The following SLC24A2 variants were observed in gnomAD, a reference collection of about 807,000 sequenced individuals.
The protein encoded by SLC24A2 is solute carrier family 24 member 2.
SLC24A2 carries 36 observed loss-of-function variants against 62.0 expected under a neutral mutation model. The ratio of observed to expected loss-of-function variants is 0.58; its 90% CI spans 0.44 to 0.77. The LOEUF (loss-of-function observed/expected upper bound fraction) is 0.77, where lower values mean the gene tolerates loss of function less well. Ranked by LOEUF, SLC24A2 falls within the 30% of genes least tolerant of loss-of-function variation. The probability of loss-of-function intolerance (pLI) is 0.00; values close to 1 mark genes in which losing one functional copy is unlikely to be tolerated. For synonymous variants in SLC24A2, 358 were observed against 294.0 expected (o/e 1.22, Z -2.23); for missense variants, 846 against 817.9 (o/e 1.03, Z -0.42).
intron 5 of SLC24A2, among the ~76,000 whole-genome samples, chr9:19,591,716 G>A (rs1331927086): frequency 1.3e-5 from 2 of 152,220 alleles, no homozygotes; most frequent in Admixed American, 6.5e-5. Context: ...CAGAAGGATG[G>A]AAGGAGCCTG....
At chr9:19,894,177 T>C in the SLC24A2 span, among the ~76,000 whole-genome samples, 1 of 152,214 alleles carries the variant, frequency 6.6e-6, no homozygotes, top group South Asian at 2.1e-4. Context: ...GGATGTGGAC[T>C]CAGGGCTATG....
the SLC24A2 span, among the ~76,000 whole-genome samples, chr9:20,038,628 C>CAAAAAAAAAA: frequency 1.9e-4 from 6 of 32,392 alleles, 2 homozygotes; most frequent in African/African-American, 3.6e-4. Flanking sequence ...GTAAAAGAAA[C>CAAAAAAAAAA]AAACAAAAAA....
At chr9:19,712,836 G>C (rs553529734) in intron 2 of SLC24A2, among the ~76,000 whole-genome samples, 1 of 152,244 alleles carries the variant, frequency 6.6e-6, no homozygotes, top group Non-Finnish European at 1.5e-5. Flanking sequence ...GCAGCATAGG[G>C]TGTTTAGCAG....
chr9:19,845,687 T>C, the SLC24A2 span, among the ~76,000 whole-genome samples: 1 of 152,160 alleles, frequency 6.6e-6, no homozygotes, highest in Non-Finnish European at 1.5e-5. Context: ...GTCAGAACAT[T>C]ATTCTGGGAT....
the SLC24A2 span, among the ~76,000 whole-genome samples, chr9:20,019,151 A>AGAG: frequency 4.3e-4 from 43 of 99,214 alleles, 1 homozygote; most frequent in Non-Finnish European, 3.4e-4. Context: ...GAAAGAAAGA[A>AGAG]AGAAAGAGAG....
the SLC24A2 span, among the ~76,000 whole-genome samples, chr9:20,095,144 G>A: frequency 6.6e-6 from 1 of 152,046 alleles, no homozygotes; most frequent in African/African-American, 2.4e-5. Flanking sequence ...TCCAATTTTT[G>A]TTTTGTTTTG....
chr9:19,926,073 T>C, the SLC24A2 span: 1 of 152,158 alleles, frequency 6.6e-6, no homozygotes. Context: ...GTGTTGAGTA[T>C]GTCTACTCTT....
chr9:19,575,928 C>T (rs760017346), intron 6 of SLC24A2, among the ~76,000 whole-genome samples: 1 of 151,866 alleles, frequency 6.6e-6, no homozygotes, highest in African/African-American at 2.4e-5. Context: ...CCAAAATATG[C>T]TTATTCTGAA....
the SLC24A2 span, among the ~76,000 whole-genome samples, chr9:19,886,334 T>C: frequency 1.3e-5 from 2 of 152,178 alleles, no homozygotes; most frequent in Non-Finnish European, 2.9e-5. Context: ...TTGATTTGCA[T>C]TTCTCTAATG....
chr9:19,616,236 T>A (rs1817764619), intron 4 of SLC24A2, among the ~76,000 whole-genome samples: 1 of 152,238 alleles, frequency 6.6e-6, no homozygotes, highest in Non-Finnish European at 1.5e-5. Flanking sequence ...TGAAGTAGAA[T>A]AATTCCAAAC....
intron 5 of SLC24A2, among the ~76,000 whole-genome samples, chr9:19,584,176 C>CTG (rs1836290285): frequency 6.6e-6 from 1 of 151,196 alleles, no homozygotes; most frequent in African/African-American, 2.4e-5. Flanking sequence ...CAGGCCTACA[C>CTG]TGTCTTGCAG....
chr9:20,231,636 T>G, the SLC24A2 span, among the ~76,000 whole-genome samples: 5 of 152,220 alleles, frequency 3.3e-5, no homozygotes, highest in African/African-American at 1.2e-4. Context: ...GATTTTGGAC[T>G]GAGACGATGG....
intron 2 of SLC24A2, among the ~76,000 whole-genome samples, chr9:19,636,319 C>CCT (rs1818332094): frequency 4.6e-5 from 2 of 43,474 alleles, no homozygotes; most frequent in African/African-American, 2.0e-4. Flanking sequence ...CTTTTCTTTT[C>CCT]TTTCTTTCTT....
At chr9:19,944,213 C>T in the SLC24A2 span, among the ~76,000 whole-genome samples, 1 of 152,032 alleles carries the variant, frequency 6.6e-6, no homozygotes, top group Non-Finnish European at 1.5e-5. Flanking sequence ...AGTGAAAGAC[C>T]TTCTTTAAGT....
Position 19,509,566 on chromosome 9 carries a change from A to G in SLC24A2, c.*6587T>C, listed in dbSNP as rs1161304363. 1 of 152,132 alleles carries G rather than the reference A, an allele frequency of 6.6e-6. No individual in the cohort carries two copies. The highest frequency in any genetic ancestry group is 6.5e-5 in the Admixed American group (1 of 15,272). The allele number at this position is 152,132 out of a possible 1,614,324, so 9.4% of individuals were successfully genotyped here. On this transcript the variant is annotated 3_prime_UTR_variant, in exon 11 of 11. Coordinates refer to ENST00000341998, the MANE Select transcript of SLC24A2 (RefSeq NM_020344.4). ...AAGTGCAATATTAAAAAATTAAAAAACCCAAAAGGCATCCATTGTCCTTCA... is the reference window on the plus strand; with the variant it reads ...AAGTGCAATATTAAAAAATTAAAAAGCCCAAAAGGCATCCATTGTCCTTCA...
chr9:19,583,551 T>G (rs992761057), intron 5 of SLC24A2, among the ~76,000 whole-genome samples: 4 of 152,066 alleles, frequency 2.6e-5, no homozygotes, highest in African/African-American at 9.7e-5. Flanking sequence ...AACAAATCCT[T>G]GTGTTCATGG....
the SLC24A2 span, among the ~76,000 whole-genome samples, chr9:19,978,195 T>G: frequency 6.6e-6 from 1 of 152,194 alleles, no homozygotes; most frequent in African/African-American, 2.4e-5. Context: ...CAAAGCTGGT[T>G]TACAACCATA....
At chr9:19,531,116 C>T (rs1014594290) in intron 8 of SLC24A2, among the ~76,000 whole-genome samples, 1 of 152,222 alleles carries the variant, frequency 6.6e-6, no homozygotes, top group Non-Finnish European at 1.5e-5. Flanking sequence ...CTCGCCCAAC[C>T]TCCCATGTTG....
At chr9:20,000,073 T>C in the SLC24A2 span, among the ~76,000 whole-genome samples, 1 of 151,966 alleles carries the variant, frequency 6.6e-6, no homozygotes, top group East Asian at 1.9e-4. Context: ...CACTTTGTGA[T>C]CGATCTGCAA....
Sources: gnomAD v4.1 joint callset for allele counts (sites outside exome capture counted in the v4.1 genomes callset) on GRCh38, gnomAD v4.1.1 for gene constraint, MANE v1.5 for transcripts, NCBI Gene and HGNC (gene_info 2026-07-23, HGNC 2026-07-21) for gene names.